AGL: variants seen among roughly 807,000 people sequenced by gnomAD.
The protein encoded by AGL is glycogen debranching enzyme.
AGL carries 128 observed loss-of-function variants against 199.3 expected under a neutral mutation model. That is an observed-to-expected ratio of 0.64 (90% CI 0.56 to 0.74). The LOEUF (loss-of-function observed/expected upper bound fraction) is 0.74, where lower values mean the gene tolerates loss of function less well. Ranked by LOEUF, AGL falls within the 30% of genes least tolerant of loss-of-function variation. AGL has a pLI of 0.00. For missense variants in AGL, 1,809 were observed against 1,820.8 expected (o/e 0.99, Z 0.12); for synonymous variants, 584 against 594.7 (o/e 0.98, Z 0.26).
At chr1:99,852,330 A>G (rs1358589593) in intron 2 of AGL, among the ~76,000 whole-genome samples, 1 of 145,636 alleles carries the variant, frequency 6.9e-6, no homozygotes, top group Non-Finnish European at 1.5e-5. Flanking sequence ...GGCAAGTTAC[A>G]TTAATTCTGA....
At position 99,912,426 on chromosome 1, in the gene AGL, T is replaced by C. The variant is rs777733324; in HGVS notation, c.3858T>C (p.Ile1286=). 3.1e-6 allele frequency: 5 copies of C among 1,614,028 alleles called. No homozygotes were observed. In the Admixed American group the frequency reaches 5.0e-5, roughly 16 times the overall value. ...ATPRDGSAVE[I]VGLSKSAVRW... ...TTAGAGATGGGTCTGCTGTGGAAAT[T>C]GTGGGCCTGAGTAAATCTGCTGTTC... Residue 1286 remains isoleucine (I), a synonymous_variant, in exon 29 of 34, where the codon ATT becomes ATC. Transcript: ENST00000361915.
chr1:99,891,392 G>A, intron 22 of AGL, 36 bp downstream of exon 22: 1 of 1,609,302 alleles, frequency 6.2e-7, no homozygotes, highest in Non-Finnish European at 8.5e-7. Flanking sequence ...AAAAAATCAA[G>A]GACATAATAA....
chr1:99,880,982 T>C (rs1240078567), intron 14 of AGL, 94 bp from the exon 15 acceptor site: 4 of 1,252,388 alleles, frequency 3.2e-6, no homozygotes, highest in Non-Finnish European at 4.6e-6. Context: ...TATGAATTTA[T>C]TTATGTAATT....
In AGL at chr1:99,921,840, C is replaced by T; in HGVS notation, c.*189C>T. ...TACAGAGGTAGATTTCAATTTGAAT[C>T]AGAAAGAAATATCATTACCAATGAA... On this transcript the variant is annotated 3_prime_UTR_variant, in exon 34 of 34. Coordinates refer to ENST00000361915, the MANE Select transcript of AGL (RefSeq NM_000642.3). 2.5e-6 allele frequency: 1 copy of T among 406,260 alleles called. No individual in the cohort carries two copies. The highest frequency in any genetic ancestry group is 4.4e-6 in the Non-Finnish European group (1 of 229,450). The allele number at this position is 406,260 out of a possible 1,614,324, so 25.2% of individuals were successfully genotyped here.
Position 99,888,044 on chromosome 1 carries a change from G to A in AGL, c.2748G>A (p.Lys916=). The change falls in exon 21 of 34, where the codon AAG becomes AAA. Residue 916 remains lysine (K), a synonymous_variant. Transcript: ENST00000361915. The part of the protein sequence containing the change: ...QILYRCESEE[K]EDGGGCYDIP... ...TTTACCGATGTGAATCAGAAGAAAAGGAAGATGGTGGAGGGTGCTATGACA... is the reference window on the plus strand; with the variant it reads ...TTTACCGATGTGAATCAGAAGAAAAAGAAGATGGTGGAGGGTGCTATGACA... 1 of 1,613,546 alleles carries A rather than the reference G, an allele frequency of 6.2e-7. No homozygotes were observed.
chr1:99,876,384 T>G, intron 10 of AGL, 74 bp from the exon 11 acceptor site: 3 of 1,200,438 alleles, frequency 2.5e-6, no homozygotes, highest in Non-Finnish European at 3.5e-6. Context: ...GAAGTTTAGT[T>G]TTAATATTGC....
intron 2 of AGL, among the ~76,000 whole-genome samples, chr1:99,857,770 C>T (rs1433424225): frequency 4.5e-5 from 1 of 22,470 alleles, no homozygotes; most frequent in Non-Finnish European, 9.1e-5. Flanking sequence ...CAGTACAGTC[C>T]AGCCTTGGCT....
At chr1:99,905,557 G>A (rs1171245546) in intron 27 of AGL, among the ~76,000 whole-genome samples, 2 of 152,080 alleles carry the variant, frequency 1.3e-5, no homozygotes, top group South Asian at 2.1e-4. Context: ...GTCGGTTCAC[G>A]TATTTTGCAC....
chr1:99,905,302 T>G (rs550271413), intron 27 of AGL, among the ~76,000 whole-genome samples: 4 of 152,246 alleles, frequency 2.6e-5, no homozygotes, highest in African/African-American at 9.6e-5. Flanking sequence ...GTTCAAACGA[T>G]TCTTGTACCT....
At chr1:99,865,721 C>T (rs901190891) in intron 5 of AGL, among the ~76,000 whole-genome samples, 1 of 152,172 alleles carries the variant, frequency 6.6e-6, no homozygotes, top group African/African-American at 2.4e-5. Context: ...TTGGTACAAA[C>T]ATTTAAAAGA....
At chr1:99,880,976 A>T (rs1651966829) in intron 14 of AGL, 100 bp from the exon 15 acceptor site, 1 of 1,243,794 alleles carries the variant, frequency 8.0e-7, no homozygotes, top group African/African-American at 1.5e-5. Context: ...TTACCTTATG[A>T]ATTTATTTAT....
At chr1:99,857,612 C>T (rs528575887) in intron 2 of AGL, among the ~76,000 whole-genome samples, 16 of 151,832 alleles carry the variant, frequency 1.1e-4, no homozygotes, top group African/African-American at 3.9e-4. Flanking sequence ...GAGCTGGAGA[C>T]CAGCCCGGCC....
At chr1:99,903,340 G>C (rs1441802392) in intron 27 of AGL, among the ~76,000 whole-genome samples, 1 of 151,722 alleles carries the variant, frequency 6.6e-6, no homozygotes, top group Non-Finnish European at 1.5e-5. Flanking sequence ...CCGTGTCCAA[G>C]TATTCTCATT....
rs774144631 is a variant in AGL at position 99,861,531 on chromosome 1, A to T, written c.111A>T (p.Pro37=). ...ATGAGCTACAGTTCCGATTAGGCCC[A>T]ACTTTACAGGGAAAAGCAGTTACCG... is the stretch of plus-strand genomic sequence containing the variant. ...QGYELQFRLG[P]TLQGKAVTVY... is the part of the protein sequence containing the mutation. The change falls in exon 3 of 34, where the codon CCA becomes CCT. Residue 37 remains proline (P), a synonymous_variant. Transcript: ENST00000361915. 6.2e-7 allele frequency: 1 copy of T among 1,614,036 alleles called. No individual in the cohort carries two copies. The highest frequency in any genetic ancestry group is 1.7e-5 in the Admixed American group (1 of 60,018).
rs760514945 is a variant in AGL, at chr1:99,876,443, A to G, written c.1284-15A>G. ...TTTCTTTGTATGGATTTAATATTTA[A>G]TTATATTTTCATAGGTATTTTACTT... On this transcript the variant is annotated splice_polypyrimidine_tract_variant and intron_variant, in intron 10 of 33. Coordinates refer to ENST00000361915, the MANE Select transcript of AGL (RefSeq NM_000642.3). 2.0e-6 allele frequency: 3 copies of G among 1,531,758 alleles called. No homozygotes were observed. The highest frequency in any genetic ancestry group is 2.7e-6 in the Non-Finnish European group (3 of 1,120,122). 94.9% of individuals were successfully genotyped at this position (1,531,758 alleles called of 1,614,324 possible).
chr1:99,881,551 A>G lies in AGL; in HGVS notation c.2168A>G (p.Asp723Gly). Residue 723 changes from aspartate to glycine, a missense_variant, in exon 17 of 34, where the codon GAT becomes GGT. Physicochemically the swap from Asp to Gly is moderately conservative, Grantham distance 94. Coordinates refer to ENST00000361915, the MANE Select transcript of AGL (RefSeq NM_000642.3). ...CTTTCTGCTTCTCAGGTGTATGTGG[A>G]TCAAGTTGATGAAGACATAGTGGCA... ...GAKGFIQVYV[D>G]QVDEDIVAVT... The G allele has an allele frequency of 6.2e-7, 1 of 1,613,916 alleles. No individual in the cohort carries two copies. Among genetic ancestry groups the G allele is most frequent in the Non-Finnish European group, 8.5e-7 (1 of 1,179,924 alleles).
At chr1:99,852,028 A>AT (rs962734964) in intron 2 of AGL, among the ~76,000 whole-genome samples, 76 of 151,044 alleles carry the variant, frequency 5.0e-4, no homozygotes, top group African/African-American at 1.5e-3. Flanking sequence ...TCTGGTTTTG[A>AT]TTTTTTTTTC....
At chr1:99,899,702 G>C (rs1254206765) in intron 25 of AGL, among the ~76,000 whole-genome samples, 1 of 151,514 alleles carries the variant, frequency 6.6e-6, no homozygotes, top group African/African-American at 2.4e-5. Flanking sequence ...CTCACTGCAA[G>C]CTCCGCCTCC....
intron 11 of AGL, 93 bp downstream of exon 11, chr1:99,876,690 G>A: frequency 7.0e-7 from 1 of 1,426,116 alleles, no homozygotes; most frequent in Admixed American, 1.7e-5. Flanking sequence ...TTCCCCATTA[G>A]TCTATTGGTT....
Sources: gnomAD v4.1 joint callset for allele counts (sites outside exome capture counted in the v4.1 genomes callset) on GRCh38, gnomAD v4.1.1 for gene constraint, MANE v1.5 for transcripts, NCBI Gene and HGNC (gene_info 2026-07-23, HGNC 2026-07-21) for gene names.